Variants in INVS observed in about 807,000 individuals in gnomAD.
The protein encoded by INVS is inversion of embryo turning homolog.
A neutral mutation model predicts 108.8 loss-of-function variants in INVS; 86 were observed. That is an observed-to-expected ratio of 0.79 (90% confidence interval 0.66 to 0.95). INVS has a LOEUF of 0.95. Ranked by LOEUF, INVS falls within the 40% of genes least tolerant of loss-of-function variation. The pLI, the probability that INVS is intolerant of heterozygous loss-of-function variation, is 0.00. For missense variants in INVS, 1,169 were observed against 1,297.4 expected (o/e 0.90, Z 1.52); for synonymous variants, 455 against 473.5 (o/e 0.96, Z 0.51).
chr9:100,193,897 A>G (rs760678687), intron 3 of INVS, among the ~76,000 whole-genome samples: 1 of 152,190 alleles, frequency 6.6e-6, no homozygotes, highest in African/African-American at 2.4e-5. Context: ...GCAGGCATGA[A>G]CAAGGTAAAA....
intron 3 of INVS, among the ~76,000 whole-genome samples, chr9:100,163,876 T>C (rs1451336546): frequency 6.6e-6 from 1 of 152,206 alleles, no homozygotes; most frequent in Admixed American, 6.5e-5. Context: ...GTATGCTATT[T>C]AATGATTCTA....
chr9:100,202,363 A>G (rs1263073258), intron 3 of INVS, among the ~76,000 whole-genome samples: 3 of 152,224 alleles, frequency 2.0e-5, no homozygotes, highest in Non-Finnish European at 4.4e-5. Flanking sequence ...TCAACTTTTG[A>G]CATAGAATGA....
chr9:100,299,619 A>C (rs895228576), intron 16 of INVS, among the ~76,000 whole-genome samples: 2 of 125,070 alleles, frequency 1.6e-5, no homozygotes, highest in African/African-American at 3.1e-5. Flanking sequence ...CAAGAATCTC[A>C]GCAGAGCCTT....
Position 100,298,007 on chromosome 9 carries a change from T to C in INVS, c.3088T>C (p.Ser1030Pro), listed in dbSNP as rs759890908. 4 of 1,614,072 alleles carry C rather than the reference T, an allele frequency of 2.5e-6. No individual in the cohort carries two copies. In the East Asian group the frequency reaches 6.7e-5, roughly 27 times the overall value. Reference sequence around the variant, plus strand: ...AGCCTCTTCTGTGCTGCGTCTCAACTCAGGTAAGGCAGCCACTGCAAAGCA... The same window carrying C: ...AGCCTCTTCTGTGCTGCGTCTCAACCCAGGTAAGGCAGCCACTGCAAAGCA... ...VKASSVLRLN[S>P]VSNLQCIHLL... is the part of the protein sequence containing the mutation. The change falls in exon 16 of 17, where the codon TCA becomes CCA. Residue 1030 changes from serine (S) to proline (P), a missense_variant. Ser to Pro is a moderately conservative substitution (Grantham distance 74, BLOSUM62 -1). This residue lies in a region of INVS where 533 missense variants were observed against 536.0 expected (regional missense o/e 0.99). Transcript: ENST00000262457.
chr9:100,117,556 G>A (rs1206388832), intron 2 of INVS: 5 of 1,090,690 alleles, frequency 4.6e-6, no homozygotes, highest in East Asian at 5.0e-5. Context: ...GGAAACCTCC[G>A]CGGAAGCCAC....
At chr9:100,196,471 C>G (rs1305347435) in intron 3 of INVS, among the ~76,000 whole-genome samples, 4 of 152,006 alleles carry the variant, frequency 2.6e-5, no homozygotes, top group Non-Finnish European at 4.4e-5. Flanking sequence ...GTTTTTACTA[C>G]CTTCTTGCTT....
In INVS at chr9:100,104,480, T is replaced by C. The variant is rs1334414303; in HGVS notation, c.-24-18T>C. The C allele has an allele frequency of 6.5e-6, 9 of 1,378,090 alleles. No homozygotes were observed. Among genetic ancestry groups the C allele is most frequent in the Non-Finnish European group, 9.3e-6 (9 of 965,824 alleles). 85.4% of individuals were successfully genotyped at this position (1,378,090 alleles called of 1,614,324 possible). On this transcript the variant is annotated intron_variant, in intron 1 of 16. Coordinates refer to ENST00000262457, the MANE Select transcript of INVS (RefSeq NM_014425.5). Reference sequence around the variant, plus strand: ...AAATGTTTGCTGCATGCGCTCATTGTCTGAATCATTGTTTCAGGTTGCTCC... The same window carrying C: ...AAATGTTTGCTGCATGCGCTCATTGCCTGAATCATTGTTTCAGGTTGCTCC...
chr9:100,132,950 C>T (rs1013734917), intron 3 of INVS, among the ~76,000 whole-genome samples: 21 of 151,968 alleles, frequency 1.4e-4, no homozygotes, highest in African/African-American at 4.4e-4. Context: ...ACTAAAAATA[C>T]AAAACTTAGC....
intron 10 of INVS, among the ~76,000 whole-genome samples, chr9:100,258,620 T>C (rs1387945337): frequency 6.6e-6 from 1 of 152,220 alleles, no homozygotes; most frequent in Non-Finnish European, 1.5e-5. Flanking sequence ...TTCTGTTTGT[T>C]AGTTTTCCTT....
Position 100,239,379 on chromosome 9 carries a change from T to C in INVS, c.616-681T>C, listed in dbSNP as rs564467640. On this transcript the variant is annotated intron_variant, in intron 5 of 16. Coordinates refer to ENST00000262457, the MANE Select transcript of INVS (RefSeq NM_014425.5). ...AGGATACATGTCCGTTGCCATAATG[T>C]AAACATTTGAAAACACACATACAAA... 2.6e-5 allele frequency among the ~76,000 whole-genome samples: 4 copies of C among 152,324 alleles called. No homozygotes were observed. The South Asian group carries it at 8.3e-4, about 32-fold the overall frequency.
intron 3 of INVS, among the ~76,000 whole-genome samples, chr9:100,160,954 CAAAA>C (rs34945084): frequency 0.019 from 1,409 of 72,682 alleles, 19 homozygotes; most frequent in African/African-American, 0.064. Flanking sequence ...GACTCTGTCT[CAAAA>C]AAAAAAAAAA....
chr9:100,117,604 C>A, intron 2 of INVS: 1 of 512,894 alleles, frequency 1.9e-6, no homozygotes, highest in Non-Finnish European at 3.4e-6. Flanking sequence ...GGCCTCCGGC[C>A]CCCCGCCCCC....
At chr9:100,279,927 A>G (rs1031434927) in intron 12 of INVS, among the ~76,000 whole-genome samples, 4 of 152,192 alleles carry the variant, frequency 2.6e-5, no homozygotes, top group South Asian at 2.1e-4. Flanking sequence ...ATCAACTTCC[A>G]TAACTCCAAC....
In INVS at chr9:100,157,988, T is replaced by C. The variant is rs566322302; in HGVS notation, c.273+31439T>C. On this transcript the variant is annotated intron_variant, in intron 3 of 16. Coordinates refer to ENST00000262457, the MANE Select transcript of INVS (RefSeq NM_014425.5). ...CCCATTTGTTAAATTTATTTTCATA[T>C]CTCTTAGTATTTCTTAATGTGGTGT... Among the ~76,000 whole-genome samples, 94 of 152,348 alleles carry C rather than the reference T, an allele frequency of 6.2e-4. 1 individual carries two copies. The highest frequency in any genetic ancestry group is 1.3e-3 in the Non-Finnish European group (86 of 68,034).
At chr9:100,139,671 C>T (rs1828357796) in intron 3 of INVS, among the ~76,000 whole-genome samples, 1 of 152,130 alleles carries the variant, frequency 6.6e-6, no homozygotes, top group Admixed American at 6.5e-5. Flanking sequence ...GAGATAGAGT[C>T]TCACTTTGTC....
At chr9:100,196,384 A>C (rs1470901463) in intron 3 of INVS, among the ~76,000 whole-genome samples, 1 of 152,120 alleles carries the variant, frequency 6.6e-6, no homozygotes, top group East Asian at 1.9e-4. Flanking sequence ...ACAACTCAAG[A>C]ACATATGTTA....
intron 7 of INVS, among the ~76,000 whole-genome samples, chr9:100,245,454 T>A (rs918487855): frequency 5.3e-5 from 8 of 151,988 alleles, no homozygotes; most frequent in Non-Finnish European, 7.4e-5. Flanking sequence ...TAATTTTTTT[T>A]ATATTTTAGT....
intron 3 of INVS, among the ~76,000 whole-genome samples, chr9:100,156,324 G>A (rs567570075): frequency 2.0e-5 from 3 of 148,570 alleles, no homozygotes; most frequent in South Asian, 2.1e-4. Context: ...GCAGTGGTGC[G>A]GTCTCGGCTC....
chr9:100,229,734 C>T lies in INVS; in HGVS notation c.522C>T (p.Asn174=), dbSNP rs2118428478. Residue 174 remains asparagine, a synonymous_variant, in exon 5 of 17, where the codon AAC becomes AAT. Transcript: ENST00000262457. Reference sequence around the variant, plus strand: ...AGCTGCTCATCAAGCATGATTCTAACATTGGGATTCCTGATGTTGAAGGCA... The same window carrying T: ...AGCTGCTCATCAAGCATGATTCTAATATTGGGATTCCTGATGTTGAAGGCA... ...HVKLLIKHDS[N]IGIPDVEGKI... is the part of the protein sequence containing the mutation. The T allele has an allele frequency of 1.2e-6, 2 of 1,613,998 alleles. No individual in the cohort carries two copies. The highest frequency in any genetic ancestry group is 2.2e-5 in the East Asian group (1 of 44,876).
Sources: gnomAD v4.1 joint callset for allele counts (sites outside exome capture counted in the v4.1 genomes callset) on GRCh38, gnomAD v4.1.1 for gene constraint, gnomAD v4.1.1 regional missense constraint, MANE v1.5 for transcripts, NCBI Gene and HGNC (gene_info 2026-07-23, HGNC 2026-07-21) for gene names.